CRLF2: variants seen among roughly 807,000 people sequenced by gnomAD.
CRLF2 encodes the protein cytokine receptor like factor 2, also known as cytokine receptor-like factor 2.
In CRLF2, 41 loss-of-function variants were observed where a neutral mutation model predicts 38.7. The ratio of observed to expected loss-of-function variants is 1.06; its 90% confidence interval spans 0.83 to 1.37. CRLF2 has a LOEUF of 1.37. Ranked by LOEUF, CRLF2 falls within the 40% of genes most tolerant of loss-of-function variation. CRLF2 has a pLI of 0.00. For synonymous variants in CRLF2, 140 were observed against 128.8 expected, an observed-to-expected ratio of 1.09 and a Z score of -0.59; for missense variants, 377 against 322.2, an observed-to-expected ratio of 1.17 and a Z score of -1.30.
intron 7 of CRLF2, among the ~76,000 whole-genome samples, chrX:1,191,447 TC>T (rs1314384228): frequency 5.3e-5 from 8 of 151,280 alleles, no homozygotes; most frequent in Non-Finnish European, 8.8e-5. Context: ...AGGAAAGCCC[TC>T]TCATCTGGGA....
chrX:1,201,337 T>C (rs1386516016), intron 4 of CRLF2, among the ~76,000 whole-genome samples: 1 of 118,126 alleles, frequency 8.5e-6, no homozygotes, highest in Non-Finnish European at 1.8e-5. Flanking sequence ...TGTGTTTGTG[T>C]GTCTGTGTGT....
intron 6 of CRLF2, 104 bp from the exon 7 acceptor site, chrX:1,193,406 G>T (rs2086427415): frequency 2.5e-6 from 1 of 397,198 alleles, no homozygotes; most frequent in Admixed American, 4.4e-5. Flanking sequence ...ACCAAGAATG[G>T]CAGAGCGGGG....
At chrX:1,205,309 A>G (rs2086672831) in intron 3 of CRLF2, among the ~76,000 whole-genome samples, 1 of 152,210 alleles carries the variant, frequency 6.6e-6, no homozygotes, top group Non-Finnish European at 1.5e-5. Flanking sequence ...CTTGATTTTC[A>G]GAACTTAACT....
At chrX:1,197,822 T>A (rs1420868061) in intron 5 of CRLF2, among the ~76,000 whole-genome samples, 5 of 145,590 alleles carry the variant, frequency 3.4e-5, no homozygotes, top group South Asian at 2.2e-4. Context: ...TAAAAAAAAA[T>A]AAAAATAAAA....
At chrX:1,204,085 C>T (rs1425726623) in intron 3 of CRLF2, among the ~76,000 whole-genome samples, 1 of 17,390 alleles carries the variant, frequency 5.8e-5, no homozygotes, top group African/African-American at 1.1e-4. Flanking sequence ...AAGACCCTCT[C>T]TCTCAAAAAA....
Position 1,196,780 on chromosome X carries a change from C to G in CRLF2, c.767G>C (p.Arg256Thr), listed in dbSNP as rs753381046. 4.3e-6 allele frequency: 7 copies of G among 1,613,142 alleles called. No individual in the cohort carries two copies. The highest frequency in any genetic ancestry group is 5.9e-6 in the Non-Finnish European group (7 of 1,179,454). ...LLLLSLWKLW[R>T]VKKFLIPSVP... ...CACGGGCGGCAGGAGTCATCCTTACCTCCATAATTTCCATAAAGACAGAAG... is the reference window on the plus strand; with the variant it reads ...CACGGGCGGCAGGAGTCATCCTTACGTCCATAATTTCCATAAAGACAGAAG... The change falls in exon 6 of 8, where the codon AGA (arginine) becomes ACA (threonine). Residue 256 changes from arginine to threonine, a missense_variant and splice_region_variant. Physicochemically the swap from Arg to Thr is moderately conservative, Grantham distance 71. Transcript: ENST00000400841.
chrX:1,196,187 ATTTT>A (rs753943213), intron 6 of CRLF2, among the ~76,000 whole-genome samples: 1 of 119,470 alleles, frequency 8.4e-6, no homozygotes. Context: ...GGCAGGGCTA[ATTTT>A]TTTTTTTTTT....
chrX:1,199,053 G>A (rs1160915414), intron 4 of CRLF2: 1 of 420,020 alleles, frequency 2.4e-6, no homozygotes, highest in Admixed American at 3.1e-5. Context: ...GGAGGCTGAG[G>A]CAGGAGAATC....
chrX:1,203,046 C>T (rs1351739196), intron 3 of CRLF2, among the ~76,000 whole-genome samples: 1 of 134,448 alleles, frequency 7.4e-6, no homozygotes, highest in Non-Finnish European at 1.5e-5. Context: ...TGCGGTGAGC[C>T]GAGATTGAAC....
intron 1 of CRLF2, among the ~76,000 whole-genome samples, chrX:1,209,338 A>G (rs2086751589): frequency 6.7e-6 from 1 of 149,066 alleles, no homozygotes. Context: ...AGTGTAGTGT[A>G]GTGTATTGTG....
chrX:1,193,185 AGAG>A (rs1216828965), intron 7 of CRLF2, 30 bp downstream of exon 7: 6 of 398,234 alleles, frequency 1.5e-5, no homozygotes, highest in South Asian at 1.3e-4. Context: ...TGCTTGGTGG[AGAG>A]GAGAAGAGAC....
intron 6 of CRLF2, among the ~76,000 whole-genome samples, chrX:1,196,273 C>T (rs1295971099): frequency 1.3e-5 from 2 of 149,774 alleles, no homozygotes; most frequent in East Asian, 2.0e-4. Context: ...CAGCAAGCTC[C>T]GACTCCCAGG....
intron 7 of CRLF2, among the ~76,000 whole-genome samples, chrX:1,192,708 T>TTTTCTTTTC (rs2086409276): frequency 5.4e-5 from 6 of 110,098 alleles, no homozygotes; most frequent in South Asian, 3.3e-4. Context: ...TTTTCTTTTC[T>TTTTCTTTTC]TTTCTTTCTT....
chrX:1,192,204 CA>C (rs1214481830), intron 7 of CRLF2, among the ~76,000 whole-genome samples: 21 of 78,808 alleles, frequency 2.7e-4, no homozygotes, highest in South Asian at 9.0e-4. Context: ...GACTCCGTCT[CA>C]AAAAAAAAAA....
rs372481844 is a variant in CRLF2 at position 1,196,858 on chromosome X, G to C, written c.689C>G (p.Ser230Cys). 6.2e-7 allele frequency: 1 copy of C among 1,613,514 alleles called. No individual in the cohort carries two copies. Among genetic ancestry groups the C allele is most frequent in the Admixed American group, 1.7e-5 (1 of 59,938 alleles). ...ETPTPPKPKL[S>C]KFILISSLAI... The stretch of plus-strand genomic sequence containing the variant: ...CAGGCTGGAAATTAAAATAAATTTG[G>C]ACAGCTTTGGTTTGGGAGGCGTTGG... Residue 230 changes from serine to cysteine, a missense_variant, in exon 6 of 8, where the codon TCC becomes TGC. Coordinates refer to ENST00000400841, the MANE Select transcript of CRLF2 (RefSeq NM_022148.4).
intron 7 of CRLF2, among the ~76,000 whole-genome samples, chrX:1,191,382 TTCTC>T (rs1437235349): frequency 0.013 from 1,916 of 147,580 alleles, 46 homozygotes; most frequent in African/African-American, 0.044. Flanking sequence ...CTTTCTTTCT[TTCTC>T]TCTTTCTCTC....
intron 6 of CRLF2, among the ~76,000 whole-genome samples, chrX:1,196,336 C>A (rs1294346269): frequency 6.7e-6 from 1 of 149,822 alleles, no homozygotes; most frequent in South Asian, 2.1e-4. Flanking sequence ...TACAGGTGCA[C>A]GCCACCACAC....
chrX:1,208,960 AT>A (rs1239208490), intron 1 of CRLF2, 52 bp from the exon 2 acceptor site: 6 of 1,020,938 alleles, frequency 5.9e-6, no homozygotes, highest in Non-Finnish European at 9.0e-6. Context: ...CTATTTTTTT[AT>A]TTTTTTAAAT....
At chrX:1,198,274 TCCC>T (rs2086531348) in intron 5 of CRLF2, among the ~76,000 whole-genome samples, 151 of 98,326 alleles carry the variant, frequency 1.5e-3, no homozygotes, top group South Asian at 1.8e-3. Flanking sequence ...CCCTCCCACC[TCCC>T]AGGAAGGCAG....
Sources: gnomAD v4.1 joint callset for allele counts (sites outside exome capture counted in the v4.1 genomes callset) on GRCh38, gnomAD v4.1.1 for gene constraint, MANE v1.5 for transcripts, NCBI Gene and HGNC (gene_info 2026-07-23, HGNC 2026-07-21) for gene names.